CCDC192: variants seen among roughly 807,000 people sequenced by gnomAD.
The protein encoded by CCDC192 is coiled-coil domain-containing protein 192.
intron 3 of CCDC192, among the ~76,000 whole-genome samples, chr5:127,770,368 A>G (rs983820960): frequency 6.6e-6 from 1 of 152,222 alleles, no homozygotes; most frequent in Non-Finnish European, 1.5e-5. Context: ...CAATCCCCCC[A>G]AAGGAATTCT....
At chr5:127,879,002 C>CT (rs1203416147) in intron 6 of CCDC192, among the ~76,000 whole-genome samples, 1 of 148,306 alleles carries the variant, frequency 6.7e-6, no homozygotes, top group Admixed American at 6.8e-5. Flanking sequence ...ATTTGGCTCT[C>CT]TGTTTGTCTG....
chr5:127,850,076 C>T (rs1288014380), intron 5 of CCDC192, among the ~76,000 whole-genome samples: 1 of 152,188 alleles, frequency 6.6e-6, no homozygotes, highest in Non-Finnish European at 1.5e-5. Context: ...AAAATAAAGG[C>T]CGTAGGGATT....
intron 3 of CCDC192, among the ~76,000 whole-genome samples, chr5:127,794,080 G>A (rs542706549): frequency 1.3e-5 from 2 of 152,338 alleles, no homozygotes; most frequent in East Asian, 3.9e-4. Flanking sequence ...GTCGGTGACA[G>A]AGGGTGCCTC....
At chr5:127,825,896 C>T (rs1049673460) in intron 5 of CCDC192, among the ~76,000 whole-genome samples, 1 of 152,106 alleles carries the variant, frequency 6.6e-6, no homozygotes, top group African/African-American at 2.4e-5. Flanking sequence ...TGAACATGAA[C>T]AAGTAGTTGA....
At chr5:127,885,119 A>T (rs1440750724) in intron 6 of CCDC192, among the ~76,000 whole-genome samples, 4 of 13,004 alleles carry the variant, frequency 3.1e-4, no homozygotes, top group Non-Finnish European at 6.1e-4. Flanking sequence ...TTGTTTGTTT[A>T]AAAAAAAAAA....
intron 5 of CCDC192, among the ~76,000 whole-genome samples, chr5:127,846,074 A>C (rs200269939): frequency 6.6e-6 from 1 of 152,220 alleles, no homozygotes; most frequent in East Asian, 1.9e-4. Context: ...GTGGATCATG[A>C]GGTCAGGAGT....
intron 2 of CCDC192, among the ~76,000 whole-genome samples, chr5:127,713,531 G>A (rs1211669402): frequency 1.3e-5 from 2 of 152,108 alleles, no homozygotes; most frequent in African/African-American, 2.4e-5. Flanking sequence ...TCTTAGTAAT[G>A]TCTGTAGATG....
chr5:127,873,617 T>A (rs547205454), intron 5 of CCDC192, among the ~76,000 whole-genome samples: 19 of 152,192 alleles, frequency 1.2e-4, no homozygotes, highest in South Asian at 4.1e-4. Flanking sequence ...ACAATCTCTC[T>A]TGCCTCATTT....
intron 5 of CCDC192, among the ~76,000 whole-genome samples, chr5:127,806,039 A>G (rs987071297): frequency 1.3e-5 from 2 of 152,182 alleles, no homozygotes; most frequent in East Asian, 1.9e-4. Context: ...TCTCTGAACT[A>G]TGATCCACTA....
intron 5 of CCDC192, among the ~76,000 whole-genome samples, chr5:127,865,933 T>A (rs1580770377): frequency 1.3e-5 from 2 of 152,264 alleles, no homozygotes; most frequent in African/African-American, 4.8e-5. Context: ...AGGATAGAAT[T>A]GTAGTGGCAT....
chr5:127,786,620 G>A (rs10463833), intron 3 of CCDC192: 62,410 of 753,072 alleles, frequency 0.083, 8,134 homozygotes, highest in African/African-American at 0.39. Context: ...GGTGAACCCA[G>A]TGTCTACTGA....
chr5:127,928,796 C>T lies in CCDC192; in HGVS notation c.536-12386C>T, dbSNP rs188840118. Among the ~76,000 whole-genome samples, 516 of 151,626 alleles carry T rather than the reference C, an allele frequency of 3.4e-3. 2 individuals are homozygous for T. Among genetic ancestry groups the T allele is most frequent in the African/African-American group, 0.012 (489 of 41,258 alleles). The stretch of plus-strand genomic sequence containing the variant: ...TTTTTTTTTTTTTAAGACGGAGTCT[C>T]GCTCTGTTGCCCAGGCTGGAGTGCA... On this transcript the variant is annotated intron_variant, in intron 6 of 6. Transcript: ENST00000514853.
intron 2 of CCDC192, among the ~76,000 whole-genome samples, chr5:127,752,968 T>C (rs1224539317): frequency 3.5e-4 from 54 of 152,286 alleles, no homozygotes; most frequent in Non-Finnish European, 6.8e-4. Context: ...CGCCCTGCTT[T>C]GGGTCGCGTC....
intron 2 of CCDC192, among the ~76,000 whole-genome samples, chr5:127,719,835 G>GGGC (rs1554068218): frequency 3.0e-5 from 4 of 134,668 alleles, no homozygotes; most frequent in Admixed American, 1.5e-4. Flanking sequence ...AGGAAGGGGC[G>GGGC]GGGGAGGTGA....
chr5:127,737,745 T>A (rs1343096334), intron 2 of CCDC192, among the ~76,000 whole-genome samples: 2,739 of 148,958 alleles, frequency 0.018, 47 homozygotes, highest in African/African-American at 0.053. Flanking sequence ...AGAGACTAGG[T>A]TTGCAACCCC....
intron 3 of CCDC192, among the ~76,000 whole-genome samples, chr5:127,769,636 A>G (rs1755436292): frequency 6.6e-6 from 1 of 152,238 alleles, no homozygotes. Flanking sequence ...TGAGAATCTG[A>G]AAGAAATCCA....
chr5:127,936,637 G>C (rs1754194204), intron 6 of CCDC192, among the ~76,000 whole-genome samples: 1 of 152,232 alleles, frequency 6.6e-6, no homozygotes, highest in South Asian at 2.1e-4. Flanking sequence ...CCCTTCAGTA[G>C]TGGCGAAAGT....
chr5:127,752,490 A>G (rs573413167), intron 2 of CCDC192, among the ~76,000 whole-genome samples: 7 of 152,152 alleles, frequency 4.6e-5, no homozygotes, highest in African/African-American at 7.2e-5. Flanking sequence ...CCAGCTGTGT[A>G]CTGGAAGAAC....
At chr5:127,703,811 G>C (rs966451932) in intron 1 of CCDC192, among the ~76,000 whole-genome samples, 1 of 152,094 alleles carries the variant, frequency 6.6e-6, no homozygotes, top group Non-Finnish European at 1.5e-5. Flanking sequence ...ATGTGGGAAG[G>C]GGGAGGGTAT....
Sources: gnomAD v4.1 joint callset for allele counts (sites outside exome capture counted in the v4.1 genomes callset) on GRCh38, gnomAD v4.1.1 for gene constraint, MANE v1.5 for transcripts, NCBI Gene and HGNC (gene_info 2026-07-23, HGNC 2026-07-21) for gene names.